Variants in SEMA5A observed in about 807,000 individuals in gnomAD.
The protein encoded by SEMA5A is semaphorin-5A.
A neutral mutation model predicts 135.5 loss-of-function variants in SEMA5A; 55 were observed. The observed-to-expected ratio is 0.41, with a 90% CI of 0.33 to 0.51. The LOEUF (loss-of-function observed/expected upper bound fraction) is 0.51. Ranked by LOEUF, SEMA5A falls within the 20% of genes least tolerant of loss-of-function variation. The pLI is 0.37. For synonymous variants in SEMA5A, 580 were observed against 546.5 expected (o/e 1.06, Z -0.85); for missense variants, 1,290 against 1,419.9 (o/e 0.91, Z 1.47).
chr5:9,392,441 T>C (rs1756203115), intron 2 of SEMA5A, among the ~76,000 whole-genome samples: 1 of 152,078 alleles, frequency 6.6e-6, no homozygotes, highest in African/African-American at 2.4e-5. Context: ...AAGATACAGG[T>C]ATATTCAGTA....
intron 15 of SEMA5A, among the ~76,000 whole-genome samples, chr5:9,113,170 C>T (rs984645345): frequency 2.0e-5 from 3 of 152,170 alleles, no homozygotes; most frequent in African/African-American, 4.8e-5. Context: ...AAATAAACAC[C>T]TGGTGCTTTA....
intron 3 of SEMA5A, among the ~76,000 whole-genome samples, chr5:9,341,736 C>G (rs994964540): frequency 6.7e-6 from 1 of 149,412 alleles, no homozygotes; most frequent in African/African-American, 2.4e-5. Context: ...CAACTGAACA[C>G]TTGATAGATA....
intron 8 of SEMA5A, among the ~76,000 whole-genome samples, chr5:9,221,750 C>T (rs1579648326): frequency 6.6e-6 from 1 of 152,010 alleles, no homozygotes; most frequent in African/African-American, 2.4e-5. Context: ...AGCTACAGAC[C>T]CCGAGTGACA....
chr5:9,380,785 A>T (rs1755566044), intron 2 of SEMA5A, among the ~76,000 whole-genome samples: 1 of 152,216 alleles, frequency 6.6e-6, no homozygotes, highest in Non-Finnish European at 1.5e-5. Context: ...AGCAAACCTC[A>T]AAAAGAACAG....
chr5:9,315,753 C>A (rs1223239071), intron 5 of SEMA5A, among the ~76,000 whole-genome samples: 1 of 152,148 alleles, frequency 6.6e-6, no homozygotes, highest in African/African-American at 2.4e-5. Context: ...CTCTGTGCAT[C>A]AAATCACTGA....
chr5:9,124,314 A>G (rs1740988040), intron 13 of SEMA5A, among the ~76,000 whole-genome samples: 1 of 152,140 alleles, frequency 6.6e-6, no homozygotes, highest in African/African-American at 2.4e-5. Flanking sequence ...CAAATCTGAT[A>G]AGCAAATCTG....
At chr5:9,383,901 A>G (rs1332183857) in intron 2 of SEMA5A, among the ~76,000 whole-genome samples, 1 of 152,194 alleles carries the variant, frequency 6.6e-6, no homozygotes, top group Non-Finnish European at 1.5e-5. Flanking sequence ...GGGATTTGGA[A>G]AGCGACAATT....
intron 5 of SEMA5A, among the ~76,000 whole-genome samples, chr5:9,252,645 C>G (rs746136404): frequency 6.6e-6 from 1 of 152,144 alleles, no homozygotes; most frequent in African/African-American, 2.4e-5. Flanking sequence ...GGTCATCAAG[C>G]CTTATGTACT....
chr5:9,487,345 G>A (rs1734785161), intron 1 of SEMA5A, among the ~76,000 whole-genome samples: 1 of 152,126 alleles, frequency 6.6e-6, no homozygotes. Flanking sequence ...TCATTTTATA[G>A]ATTTGGAAAC....
intron 7 of SEMA5A, among the ~76,000 whole-genome samples, 199 bp from the exon 8 acceptor site, chr5:9,225,086 T>G (rs1747219367): frequency 6.6e-6 from 1 of 152,088 alleles, no homozygotes; most frequent in African/African-American, 2.4e-5. Flanking sequence ...ATCAATCAGT[T>G]TCTTTCTCAT....
At chr5:9,365,065 G>T (rs1293200654) in intron 3 of SEMA5A, among the ~76,000 whole-genome samples, 1 of 152,094 alleles carries the variant, frequency 6.6e-6, no homozygotes, top group Non-Finnish European at 1.5e-5. Flanking sequence ...TTTATCACAG[G>T]GGAGACAGAC....
intron 16 of SEMA5A, among the ~76,000 whole-genome samples, chr5:9,103,813 T>C (rs1739758371): frequency 6.6e-6 from 1 of 152,216 alleles, no homozygotes. Flanking sequence ...TTTCTTCCTT[T>C]CATGTGTTGT....
intron 2 of SEMA5A, among the ~76,000 whole-genome samples, chr5:9,406,311 G>C (rs1199370363): frequency 1.3e-5 from 2 of 152,114 alleles, no homozygotes; most frequent in African/African-American, 4.8e-5. Context: ...GCTGGCCAGT[G>C]GGAATAGTCA....
intron 3 of SEMA5A, among the ~76,000 whole-genome samples, chr5:9,377,799 C>T (rs1755427407): frequency 6.6e-6 from 1 of 152,114 alleles, no homozygotes; most frequent in Non-Finnish European, 1.5e-5. Context: ...TTTAAAAATG[C>T]TTTTGTTAGC....
intron 1 of SEMA5A, among the ~76,000 whole-genome samples, chr5:9,513,042 G>C (rs1010307685): frequency 1.0e-4 from 14 of 137,012 alleles, no homozygotes; most frequent in Admixed American, 7.0e-4. Flanking sequence ...TTATTTTGCT[G>C]AAATGAGATG....
chr5:9,043,809 C>T (rs565256095), intron 22 of SEMA5A, among the ~76,000 whole-genome samples: 104 of 152,310 alleles, frequency 6.8e-4, no homozygotes, highest in Middle Eastern at 3.4e-3. Context: ...TCAGTGGGAA[C>T]ACAGGACTGG....
At chr5:9,094,084 T>A (rs1400728737) in intron 16 of SEMA5A, among the ~76,000 whole-genome samples, 1 of 152,210 alleles carries the variant, frequency 6.6e-6, no homozygotes, top group Non-Finnish European at 1.5e-5. Flanking sequence ...CAATTTGAAT[T>A]ATGTTTTTTT....
chr5:9,390,615 C>A (rs1414419436), intron 2 of SEMA5A, among the ~76,000 whole-genome samples: 1 of 151,888 alleles, frequency 6.6e-6, no homozygotes, highest in African/African-American at 2.4e-5. Flanking sequence ...CCTTTTAAAT[C>A]CAATGGATTA....
At position 9,271,342 on chromosome 5, in the gene SEMA5A, C is replaced by T. The variant is rs558717236; in HGVS notation, c.271-33452G>A. 5.3e-5 allele frequency among the ~76,000 whole-genome samples: 8 copies of T among 152,240 alleles called. No homozygotes were observed. In the East Asian group the frequency reaches 1.3e-3, roughly 26 times the overall value. Reference sequence around the variant, plus strand: ...CTTTTCTTCATAAATTACCCATTCTCAGGTAGTTCTTTATAGCACTATGAG... The same window carrying T: ...CTTTTCTTCATAAATTACCCATTCTTAGGTAGTTCTTTATAGCACTATGAG... On this transcript the variant is annotated intron_variant, in intron 5 of 22. Transcript: ENST00000382496.
Sources: gnomAD v4.1 joint callset for allele counts (sites outside exome capture counted in the v4.1 genomes callset) on GRCh38, gnomAD v4.1.1 for gene constraint, MANE v1.5 for transcripts, NCBI Gene and HGNC (gene_info 2026-07-23, HGNC 2026-07-21) for gene names.